CNTN4: variants seen among roughly 807,000 people sequenced by gnomAD.
The protein encoded by CNTN4 is contactin 4, also known as contactin-4.
CNTN4 carries 77 observed loss-of-function variants against 122.5 expected under a neutral mutation model. That is an observed-to-expected ratio of 0.63 (90% CI 0.52 to 0.76). The LOEUF (loss-of-function observed/expected upper bound fraction) is 0.76, where lower values mean the gene tolerates loss of function less well. Ranked by LOEUF, CNTN4 falls within the 30% of genes least tolerant of loss-of-function variation. The pLI is 0.00. For synonymous variants in CNTN4, 512 were observed against 447.0 expected (o/e 1.15, Z -1.83); for missense variants, 1,256 against 1,259.1 (o/e 1.00, Z 0.04).
At chr3:2,881,100 A>G (rs1455088245) in intron 8 of CNTN4, among the ~76,000 whole-genome samples, 1 of 152,220 alleles carries the variant, frequency 6.6e-6, no homozygotes, top group Middle Eastern at 3.2e-3. Flanking sequence ...ACTATTGACA[A>G]CATACTTTAT....
At chr3:2,475,797 A>G (rs2075819971) in intron 3 of CNTN4, among the ~76,000 whole-genome samples, 1 of 152,122 alleles carries the variant, frequency 6.6e-6, no homozygotes, top group African/African-American at 2.4e-5. Flanking sequence ...AGATGAAGTA[A>G]CTTGTCCAAA....
intron 4 of CNTN4, among the ~76,000 whole-genome samples, chr3:2,591,843 A>G (rs1057226127): frequency 3.3e-5 from 5 of 152,160 alleles, no homozygotes; most frequent in Non-Finnish European, 7.4e-5. Context: ...TTGAGTCGAG[A>G]CTAAGAAGCA....
At chr3:2,584,956 T>G (rs2080121005) in intron 4 of CNTN4, among the ~76,000 whole-genome samples, 1 of 151,616 alleles carries the variant, frequency 6.6e-6, no homozygotes, top group Non-Finnish European at 1.5e-5. Context: ...CAGAAAAAAA[T>G]GTATATAAGC....
At chr3:2,491,818 C>T (rs537908819) in intron 3 of CNTN4, among the ~76,000 whole-genome samples, 4 of 152,140 alleles carry the variant, frequency 2.6e-5, no homozygotes, top group African/African-American at 7.2e-5. Context: ...TCGAATCTTC[C>T]GTCAAGGAGC....
At chr3:2,397,493 T>G (rs957938685) in intron 3 of CNTN4, among the ~76,000 whole-genome samples, 49 of 132,808 alleles carry the variant, frequency 3.7e-4, no homozygotes, top group Non-Finnish European at 5.5e-4. Flanking sequence ...TAGGTGCAAG[T>G]TTTTTTTTTT....
intron 7 of CNTN4, 24 bp downstream of exon 7, chr3:2,819,605 T>A: frequency 6.8e-7 from 1 of 1,476,974 alleles, no homozygotes; most frequent in Non-Finnish European, 9.5e-7. Context: ...AACTGACATA[T>A]GCATGCTTCA....
chr3:2,657,458 G>C (rs1423210270), intron 4 of CNTN4, among the ~76,000 whole-genome samples: 2 of 152,166 alleles, frequency 1.3e-5, no homozygotes, highest in Non-Finnish European at 2.9e-5. Flanking sequence ...CTTATTTGCT[G>C]TCAGGGTACA....
At chr3:2,105,090 T>A (rs920661092) in intron 2 of CNTN4, among the ~76,000 whole-genome samples, 1 of 152,162 alleles carries the variant, frequency 6.6e-6, no homozygotes, top group Admixed American at 6.5e-5. Flanking sequence ...GTGAGATGCT[T>A]TGCTTTTTCT....
intron 4 of CNTN4, among the ~76,000 whole-genome samples, chr3:2,625,932 C>G (rs1031062324): frequency 1.3e-5 from 2 of 152,088 alleles, no homozygotes; most frequent in Non-Finnish European, 2.9e-5. Context: ...CGAATTGTTC[C>G]TGTTCTTTCA....
chr3:2,712,847 C>G (rs1157891379), intron 4 of CNTN4, among the ~76,000 whole-genome samples: 2 of 152,298 alleles, frequency 1.3e-5, no homozygotes, highest in African/African-American at 4.8e-5. Context: ...AAAAACCCAA[C>G]AGGACAGGGT....
chr3:2,203,465 A>G (rs914731112), intron 2 of CNTN4, among the ~76,000 whole-genome samples: 5 of 152,084 alleles, frequency 3.3e-5, no homozygotes, highest in Admixed American at 6.6e-5. Flanking sequence ...TATTTCTGGG[A>G]GAAATAGATG....
At chr3:2,895,173 A>G (rs910018405) in intron 10 of CNTN4, among the ~76,000 whole-genome samples, 2 of 152,068 alleles carry the variant, frequency 1.3e-5, no homozygotes, top group Admixed American at 6.5e-5. Context: ...ATGAGGTTTC[A>G]CCATGTTGGC....
At chr3:2,471,388 G>A (rs1363479283) in intron 3 of CNTN4, among the ~76,000 whole-genome samples, 1 of 152,196 alleles carries the variant, frequency 6.6e-6, no homozygotes, top group African/African-American at 2.4e-5. Context: ...AAAGGAGAGA[G>A]TTAAAAAATA....
At chr3:2,726,309 A>C (rs746151721) in intron 4 of CNTN4, among the ~76,000 whole-genome samples, 7 of 152,326 alleles carry the variant, frequency 4.6e-5, no homozygotes, top group Admixed American at 3.3e-4. Context: ...AGAAAATGGA[A>C]TATTAATTGG....
chr3:2,280,111 A>G (rs931018497), intron 2 of CNTN4, among the ~76,000 whole-genome samples: 1 of 151,352 alleles, frequency 6.6e-6, no homozygotes, highest in Non-Finnish European at 1.5e-5. Context: ...ACCATTCAAC[A>G]TGCATTTATT....
At chr3:2,934,081 A>G (rs1042026427) in intron 13 of CNTN4, among the ~76,000 whole-genome samples, 1 of 152,164 alleles carries the variant, frequency 6.6e-6, no homozygotes, top group African/African-American at 2.4e-5. Flanking sequence ...CCCTCAAAAA[A>G]ATAATGGTGC....
At chr3:2,104,592 G>C (rs1033411625) in intron 2 of CNTN4, among the ~76,000 whole-genome samples, 2 of 152,134 alleles carry the variant, frequency 1.3e-5, no homozygotes, top group Non-Finnish European at 2.9e-5. Flanking sequence ...ATAATCCAGA[G>C]AAGTCTTATT....
chr3:2,807,172 C>A (rs1192541922), intron 6 of CNTN4, among the ~76,000 whole-genome samples: 1 of 152,220 alleles, frequency 6.6e-6, no homozygotes, highest in East Asian at 1.9e-4. Context: ...TTCTTAACTA[C>A]CACAAAGTGC....
At chr3:2,503,695 T>C (rs2076657428) in intron 3 of CNTN4, among the ~76,000 whole-genome samples, 1 of 152,178 alleles carries the variant, frequency 6.6e-6, no homozygotes, top group Non-Finnish European at 1.5e-5. Flanking sequence ...GAGAGGATTT[T>C]TTTTTAATAA....
Sources: allele counts gnomAD v4.1 joint callset (sites outside exome capture counted in the v4.1 genomes callset), GRCh38; gene constraint gnomAD v4.1.1; transcripts MANE v1.5; gene names NCBI Gene and HGNC (gene_info 2026-07-23, HGNC 2026-07-21).